QKI: variants seen among roughly 807,000 people sequenced by gnomAD.
QKI encodes the protein KH domain-containing RNA-binding protein QKI.
Under a neutral mutation model 39.0 loss-of-function variants are expected in QKI, and 10 were observed. That is an observed-to-expected ratio of 0.26 (90% CI 0.16 to 0.43). The LOEUF is 0.43. QKI is among the 20% of genes least tolerant of loss of function. QKI has a pLI of 1.00. For missense variants in QKI, 218 were observed against 428.0 expected, an observed-to-expected ratio of 0.51 and a Z score of 4.33; for synonymous variants, 204 against 155.4, an observed-to-expected ratio of 1.31 and a Z score of -2.33.
chr6:163,450,321 T>C (rs1172625050), intron 1 of QKI, among the ~76,000 whole-genome samples: 2 of 152,116 alleles, frequency 1.3e-5, no homozygotes, highest in African/African-American at 2.4e-5. Context: ...GCCTCCCAAA[T>C]TGTTGGGATT....
In QKI at chr6:163,577,692, G is replaced by GT. The variant is rs145570876; in HGVS notation, c.*6985dup. 3.2e-3 allele frequency: 484 copies of GT among 152,426 alleles called. 1 individual carries two copies. Among genetic ancestry groups the GT allele is most frequent in the Non-Finnish European group, 4.0e-3 (274 of 68,038 alleles). The allele number at this position is 152,426 out of a possible 1,614,324, so 9.4% of individuals were successfully genotyped here. On this transcript the variant is annotated 3_prime_UTR_variant, in exon 8 of 8. Transcript: ENST00000361752. ...CTGGCTCCTGTGGATATCTGTGCTT[G>GT]TTTCCTGGTCCAGGATGGTGATCTG...
intron 1 of QKI, among the ~76,000 whole-genome samples, chr6:163,424,553 C>T (rs1247713728): frequency 6.6e-6 from 1 of 152,134 alleles, no homozygotes; most frequent in African/African-American, 2.4e-5. Flanking sequence ...ACTGCCCTGC[C>T]AACCTCAAAT....
intron 4 of QKI, among the ~76,000 whole-genome samples, chr6:163,550,010 T>A (rs1284514170): frequency 1.3e-5 from 2 of 152,230 alleles, no homozygotes; most frequent in Admixed American, 6.5e-5. Context: ...GCTTTGACCG[T>A]GCAGTCAAAT....
At chr6:163,569,632 C>CT (rs1783586405) in intron 7 of QKI, 1 of 1,001,362 alleles carries the variant, frequency 1.0e-6, no homozygotes, top group African/African-American at 1.7e-5. Flanking sequence ...TTGAGAACTA[C>CT]TTTATGTTTT....
At chr6:163,510,217 A>AAATTAT (rs1389217749) in intron 3 of QKI, among the ~76,000 whole-genome samples, 57 of 136,260 alleles carry the variant, frequency 4.2e-4, no homozygotes, top group Admixed American at 3.1e-3. Context: ...CTCTATCTCA[A>AAATTAT]AATAATAATA....
intron 3 of QKI, among the ~76,000 whole-genome samples, chr6:163,482,065 G>C (rs765751094): frequency 6.6e-6 from 1 of 152,050 alleles, no homozygotes; most frequent in Non-Finnish European, 1.5e-5. Flanking sequence ...TGCACCTGTA[G>C]TCCCAGCTGC....
chr6:163,556,458 G>T (rs1002409166), intron 4 of QKI, among the ~76,000 whole-genome samples: 20 of 131,494 alleles, frequency 1.5e-4, no homozygotes, highest in Admixed American at 4.5e-4. Context: ...AGCTGAGATT[G>T]CACCATTGCA....
At chr6:163,477,860 T>C (rs1305235056) in intron 2 of QKI, among the ~76,000 whole-genome samples, 2 of 152,186 alleles carry the variant, frequency 1.3e-5, no homozygotes, top group African/African-American at 4.8e-5. Flanking sequence ...ACGTTACTTT[T>C]ATGTAATGAT....
chr6:163,558,002 A>G (rs1042018410), intron 4 of QKI, among the ~76,000 whole-genome samples: 6 of 152,176 alleles, frequency 3.9e-5, no homozygotes, highest in Non-Finnish European at 7.3e-5. Context: ...GATTTTAATG[A>G]CCCATTTTAC....
chr6:163,556,753 A>T (rs1360480946), intron 4 of QKI, among the ~76,000 whole-genome samples: 2 of 152,070 alleles, frequency 1.3e-5, no homozygotes, highest in African/African-American at 4.8e-5. Context: ...GGTGTTATAG[A>T]ATCTGTGGTG....
chr6:163,509,476 A>T (rs998902243), intron 3 of QKI, among the ~76,000 whole-genome samples: 1 of 50,484 alleles, frequency 2.0e-5, no homozygotes, highest in Non-Finnish European at 3.3e-5. Context: ...ACCATTTAAT[A>T]AAGGGGGGGG....
At chr6:163,453,175 A>G (rs973476541) in intron 1 of QKI, among the ~76,000 whole-genome samples, 4 of 148,858 alleles carry the variant, frequency 2.7e-5, no homozygotes, top group African/African-American at 9.9e-5. Context: ...TTATATTACT[A>G]TGGTTACTTA....
intron 1 of QKI, among the ~76,000 whole-genome samples, chr6:163,427,241 AC>A (rs1788476311): frequency 1.0e-5 from 1 of 96,408 alleles, no homozygotes; most frequent in Non-Finnish European, 2.1e-5. Flanking sequence ...TTATACTCGT[AC>A]CTTTTTTTTT....
intron 4 of QKI, 35 bp downstream of exon 4, chr6:163,535,160 T>C (rs1218144213): frequency 1.3e-6 from 2 of 1,523,626 alleles, no homozygotes; most frequent in African/African-American, 2.8e-5. Flanking sequence ...GATTTGGGCC[T>C]CGTCCTTTTT....
intron 3 of QKI, among the ~76,000 whole-genome samples, chr6:163,521,663 C>T (rs1319728347): frequency 1.3e-5 from 2 of 152,092 alleles, no homozygotes; most frequent in Admixed American, 6.5e-5. Flanking sequence ...GCTGGGATTA[C>T]AGGCGCATGC....
At chr6:163,461,780 G>A (rs1046952227) in intron 2 of QKI, among the ~76,000 whole-genome samples, 1 of 152,194 alleles carries the variant, frequency 6.6e-6, no homozygotes, top group African/African-American at 2.4e-5. Context: ...TGAGAGAGCA[G>A]TGTCTCCGGG....
chr6:163,415,770 C>T (rs909378785), intron 1 of QKI, among the ~76,000 whole-genome samples: 3 of 152,010 alleles, frequency 2.0e-5, no homozygotes, highest in Non-Finnish European at 4.4e-5. Flanking sequence ...CTCCTCCGCT[C>T]GGCCTCCCGA....
chr6:163,508,863 G>C (rs77689739), intron 3 of QKI, among the ~76,000 whole-genome samples: 3,028 of 151,892 alleles, frequency 0.02, 103 homozygotes, highest in African/African-American at 0.069. Flanking sequence ...TACTGGCCGG[G>C]CACGGTGGCT....
At chr6:163,449,670 A>G (rs1445306652) in intron 1 of QKI, among the ~76,000 whole-genome samples, 3 of 152,064 alleles carry the variant, frequency 2.0e-5, no homozygotes, top group Non-Finnish European at 4.4e-5. Context: ...TGAGTTAGTA[A>G]ATAGTTTTTG....
Sources: gnomAD v4.1 joint callset for allele counts (sites outside exome capture counted in the v4.1 genomes callset) on GRCh38, gnomAD v4.1.1 for gene constraint, MANE v1.5 for transcripts, NCBI Gene and HGNC (gene_info 2026-07-23, HGNC 2026-07-21) for gene names.